PPM1B: variants seen among roughly 807,000 people sequenced by gnomAD.
PPM1B encodes the protein protein phosphatase 1B.
PPM1B carries 22 observed loss-of-function variants against 43.0 expected under a neutral mutation model. The observed-to-expected ratio is 0.51, with a 90% confidence interval of 0.37 to 0.73. The LOEUF is 0.73. PPM1B is among the 30% of genes least tolerant of loss of function. The pLI, the probability that PPM1B is intolerant of heterozygous loss-of-function variation, is 0.00. For synonymous variants in PPM1B, 217 were observed against 197.9 expected (o/e 1.10, Z -0.81); for missense variants, 632 against 584.2 (o/e 1.08, Z -0.84).
At chr2:44,191,595 CATG>C (rs769203971) in intron 1 of PPM1B, among the ~76,000 whole-genome samples, 3 of 151,980 alleles carry the variant, frequency 2.0e-5, no homozygotes, top group Non-Finnish European at 4.4e-5. Flanking sequence ...TTGATTTACT[CATG>C]GTGATACAAG....
chr2:44,201,493 A>T lies in PPM1B; in HGVS notation c.294A>T (p.Ser98=). The T allele has an allele frequency of 6.2e-7, 1 of 1,614,212 alleles. No individual in the cohort carries two copies. The highest frequency in any genetic ancestry group is 8.5e-7 in the Non-Finnish European group (1 of 1,180,020). Residue 98 remains serine (S), a synonymous_variant, in exon 2 of 6, where the codon TCA becomes TCT. Transcript: ENST00000282412. This position sits in a 1 kb window ranked among gnomAD's most constrained non-coding sequence, Gnocchi z 5.4. ...AGKSGSALEL[S]VENVKNGIRT... ...AATCAGGATCTGCTCTTGAGCTTTC[A>T]GTGGAAAATGTTAAGAATGGTATCA...
intron 1 of PPM1B, among the ~76,000 whole-genome samples, chr2:44,172,746 C>A (rs1467867363): frequency 6.6e-6 from 1 of 152,008 alleles, no homozygotes; most frequent in East Asian, 1.9e-4. Flanking sequence ...CCTGTCTCTA[C>A]AAAAAATAAA....
Position 44,218,062 on chromosome 2 carries a change from G to C in PPM1B, c.1060G>C (p.Gly354Arg). 3 of 1,612,362 alleles carry C rather than the reference G, an allele frequency of 1.9e-6. No homozygotes were observed. The highest frequency in any genetic ancestry group is 2.5e-6 in the Non-Finnish European group (3 of 1,179,190). ...AENIPNLPPG[G>R]GLAGKRNVIE... is the part of the protein sequence containing the mutation. ...AAATATCCCAAATTTGCCTCCTGGGGGAGGTCTTGCTGGCAAGTAAGTAGA... is the reference window on the plus strand; with the variant it reads ...AAATATCCCAAATTTGCCTCCTGGGCGAGGTCTTGCTGGCAAGTAAGTAGA... Residue 354 changes from glycine to arginine, a missense_variant, in exon 4 of 6, where the codon GGA (glycine) becomes CGA (arginine). Physicochemically the swap from Gly to Arg is moderately radical, Grantham distance 125. Around this residue, in one of 3 missense-constraint regions of PPM1B, gnomAD observed 392 missense variants for 302.7 expected, o/e 1.29. Coordinates refer to ENST00000282412, the MANE Select transcript of PPM1B (RefSeq NM_002706.6).
At chr2:44,219,659 C>G (rs1465140269) in intron 5 of PPM1B, among the ~76,000 whole-genome samples, 1 of 152,026 alleles carries the variant, frequency 6.6e-6, no homozygotes, top group Non-Finnish European at 1.5e-5. Flanking sequence ...GAATTGTACC[C>G]AAGGCCGGGC....
chr2:44,225,784 G>A (rs775604852), intron 5 of PPM1B, among the ~76,000 whole-genome samples: 1 of 151,976 alleles, frequency 6.6e-6, no homozygotes, highest in Non-Finnish European at 1.5e-5. Flanking sequence ...ACCCTCCCAA[G>A]TAGCTGGGAC....
intron 1 of PPM1B, among the ~76,000 whole-genome samples, chr2:44,191,390 A>G (rs375450367): frequency 6.6e-6 from 1 of 151,740 alleles, no homozygotes; most frequent in East Asian, 1.9e-4. Flanking sequence ...ATTTTTTTCT[A>G]TTTTTAGTAG....
At chr2:44,231,998 A>G (rs139496392), downstream of PPM1B, among the ~76,000 whole-genome samples, 114 of 152,338 alleles carry the variant, frequency 7.5e-4, no homozygotes, top group African/African-American at 2.5e-3. Context: ...GTTACCATAA[A>G]TTGAAACTTC....
downstream of PPM1B, among the ~76,000 whole-genome samples, chr2:44,235,940 T>A (rs879650490): frequency 2.0e-5 from 3 of 151,958 alleles, no homozygotes; most frequent in Non-Finnish European, 4.4e-5. Flanking sequence ...AAAACTCAAA[T>A]TTTAAAATAA....
chr2:44,196,582 A>G (rs1668674708), intron 1 of PPM1B, among the ~76,000 whole-genome samples: 1 of 152,172 alleles, frequency 6.6e-6, no homozygotes, highest in South Asian at 2.1e-4. Flanking sequence ...TGGGGTGGGA[A>G]GTTGTGCTTG....
chr2:44,202,813 G>A (rs1464786002), intron 2 of PPM1B, among the ~76,000 whole-genome samples: 1 of 152,144 alleles, frequency 6.6e-6, no homozygotes, highest in East Asian at 1.9e-4. Context: ...CAGAGTAATA[G>A]ATAATTGGCA....
intron 1 of PPM1B, among the ~76,000 whole-genome samples, chr2:44,171,610 A>T (rs537612611): frequency 2.2e-4 from 33 of 151,932 alleles, no homozygotes; most frequent in Admixed American, 1.4e-3. Flanking sequence ...CGTGTGGATC[A>T]CTTGAGGTTA....
intron 1 of PPM1B, among the ~76,000 whole-genome samples, chr2:44,193,010 A>G (rs1455349204): frequency 2.0e-5 from 3 of 152,218 alleles, no homozygotes; most frequent in Non-Finnish European, 4.4e-5. Context: ...TGGTTTTGGT[A>G]AATAATGCCA....
At position 44,194,471 on chromosome 2, in the gene PPM1B, C is replaced by T. The variant is rs577127330; in HGVS notation, c.-14-6715C>T. Among the ~76,000 whole-genome samples the T allele has an allele frequency of 4.6e-5, 7 of 151,980 alleles. No individual in the cohort carries two copies. The East Asian group carries it at 1.4e-3, about 30-fold the overall frequency. On this transcript the variant is annotated intron_variant, in intron 1 of 5. Transcript: ENST00000282412. ...GGGCGTGTTGGCTCATGCCTGTAAT[C>T]CCAGCACTTTGGGAGGCCGAGGCGG...
intron 1 of PPM1B, among the ~76,000 whole-genome samples, chr2:44,199,303 CAA>C (rs1339815695): frequency 1.5e-5 from 1 of 66,924 alleles, no homozygotes; most frequent in African/African-American, 6.4e-5. Flanking sequence ...CTGTAGATCT[CAA>C]AAAAAAAAAA....
At chr2:44,185,552 C>T (rs1037668765) in intron 1 of PPM1B, among the ~76,000 whole-genome samples, 1 of 152,028 alleles carries the variant, frequency 6.6e-6, no homozygotes, top group Non-Finnish European at 1.5e-5. Flanking sequence ...ACACTGTTGT[C>T]CTGAGTTTGA....
downstream of PPM1B, chr2:44,234,306 G>A (rs1670549732): frequency 1.3e-6 from 1 of 783,754 alleles, no homozygotes; most frequent in African/African-American, 1.9e-5. Context: ...GGATCACGAG[G>A]TCAAGAGATC....
intron 1 of PPM1B, among the ~76,000 whole-genome samples, chr2:44,176,932 C>A (rs1667609667): frequency 6.6e-6 from 1 of 152,176 alleles, no homozygotes; most frequent in African/African-American, 2.4e-5. Context: ...AGGCCTGCGG[C>A]ACCACGCCCA....
At chr2:44,219,710 G>T (rs1038897719) in intron 5 of PPM1B, among the ~76,000 whole-genome samples, 1 of 152,016 alleles carries the variant, frequency 6.6e-6, no homozygotes, top group African/African-American at 2.4e-5. Context: ...TTGGGAGGCC[G>T]AGGCGGGCGG....
chr2:44,186,488 C>T (rs1338421540), intron 1 of PPM1B, among the ~76,000 whole-genome samples: 1 of 152,206 alleles, frequency 6.6e-6, no homozygotes, highest in South Asian at 2.1e-4. Flanking sequence ...CCCGCCTCAG[C>T]CTCCCAGGTA....
Sources: allele counts gnomAD v4.1 joint callset (sites outside exome capture counted in the v4.1 genomes callset), GRCh38; gene constraint gnomAD v4.1.1; regional missense constraint gnomAD v4.1.1; non-coding constraint Gnocchi (gnomAD v3.1); transcripts MANE v1.5; gene names NCBI Gene and HGNC (gene_info 2026-07-23, HGNC 2026-07-21).